Variants in TCF12 observed in about 807,000 individuals in gnomAD.
TCF12 encodes the protein transcription factor 12.
Under a neutral mutation model 86.0 loss-of-function variants are expected in TCF12, and 45 were observed. That is an observed-to-expected ratio of 0.52 (90% CI 0.41 to 0.67). The LOEUF is 0.67. TCF12 is among the 30% of genes least tolerant of loss of function. The probability of loss-of-function intolerance (pLI) is 0.00; values close to 1 mark genes in which losing one functional copy is unlikely to be tolerated. For missense variants in TCF12, 881 were observed against 859.9 expected, an observed-to-expected ratio of 1.02 and a Z score of -0.31; for synonymous variants, 330 against 299.6, an observed-to-expected ratio of 1.10 and a Z score of -1.05.
At chr15:57,250,361 A>T (rs2060051474) in intron 13 of TCF12, among the ~76,000 whole-genome samples, 1 of 152,218 alleles carries the variant, frequency 6.6e-6, no homozygotes, top group Non-Finnish European at 1.5e-5. Flanking sequence ...AGTAATGTTT[A>T]CTATATCACT....
intron 5 of TCF12, among the ~76,000 whole-genome samples, chr15:57,115,544 A>G (rs763083916): frequency 1.2e-4 from 19 of 152,200 alleles, no homozygotes; most frequent in Non-Finnish European, 2.5e-4. Flanking sequence ...AAGTAGAAAA[A>G]AGCACAAGCC....
intron 3 of TCF12, among the ~76,000 whole-genome samples, chr15:56,953,107 A>G (rs1259680474): frequency 6.6e-6 from 1 of 152,160 alleles, no homozygotes; most frequent in Non-Finnish European, 1.5e-5. Flanking sequence ...TGAGATTGTC[A>G]CATAGGTTTT....
chr15:57,159,605 C>T (rs1248456024), intron 5 of TCF12, among the ~76,000 whole-genome samples: 2 of 152,186 alleles, frequency 1.3e-5, no homozygotes, highest in Non-Finnish European at 2.9e-5. Flanking sequence ...ATGACTTACA[C>T]ACTGAAATAT....
intron 3 of TCF12, among the ~76,000 whole-genome samples, chr15:57,001,613 C>T (rs1477722031): frequency 1.3e-5 from 2 of 152,140 alleles, no homozygotes; most frequent in African/African-American, 4.8e-5. Context: ...AGCAGAGCAC[C>T]TGTCTAGGGA....
At chr15:56,920,995 G>A (rs1286806509) in intron 2 of TCF12, 31 bp from the exon 3 acceptor site, 18 of 1,545,310 alleles carry the variant, frequency 1.2e-5, no homozygotes, top group Non-Finnish European at 1.6e-5. Context: ...AGAATTTCAG[G>A]ACTAACAGAT....
intron 12 of TCF12, among the ~76,000 whole-genome samples, chr15:57,236,043 T>A (rs192080825): frequency 2.6e-4 from 39 of 152,306 alleles, no homozygotes; most frequent in African/African-American, 8.9e-4. Flanking sequence ...TGGGCTTTGG[T>A]TGTCATGGAA....
At chr15:57,159,612 A>G (rs973310859) in intron 5 of TCF12, among the ~76,000 whole-genome samples, 2 of 152,232 alleles carry the variant, frequency 1.3e-5, no homozygotes, top group African/African-American at 4.8e-5. Context: ...ACACACTGAA[A>G]TATTTCATTT....
At chr15:57,149,533 C>T (rs1248680688) in intron 5 of TCF12, among the ~76,000 whole-genome samples, 1 of 152,102 alleles carries the variant, frequency 6.6e-6, no homozygotes, top group African/African-American at 2.4e-5. Flanking sequence ...TAGTGGAATT[C>T]AAAGTATTTT....
At chr15:57,174,032 C>T (rs549390307) in intron 6 of TCF12, among the ~76,000 whole-genome samples, 8 of 152,230 alleles carry the variant, frequency 5.3e-5, no homozygotes, top group Admixed American at 3.9e-4. Flanking sequence ...AAAGTTAATT[C>T]ATATCAAAAA....
intron 3 of TCF12, among the ~76,000 whole-genome samples, chr15:56,970,974 GGCCTGA>G (rs1161222870): frequency 6.6e-6 from 1 of 152,060 alleles, no homozygotes; most frequent in Non-Finnish European, 1.5e-5. Flanking sequence ...GGATTGCTTG[GGCCTGA>G]GAGGTTGAGG....
chr15:57,007,792 C>CTCTCTT (rs2064501023), intron 3 of TCF12, among the ~76,000 whole-genome samples: 16 of 52,590 alleles, frequency 3.0e-4, no homozygotes, highest in African/African-American at 6.8e-4. Context: ...CTTTCTTTCT[C>CTCTCTT]TCTTTCTTTC....
chr15:57,185,551 T>C (rs1388284155), intron 6 of TCF12, among the ~76,000 whole-genome samples: 5 of 151,886 alleles, frequency 3.3e-5, no homozygotes, highest in African/African-American at 1.2e-4. Context: ...ATAAACAAAA[T>C]AGAGACAAGA....
chr15:57,252,529 C>A, intron 15 of TCF12, 37 bp downstream of exon 15: 1 of 1,531,134 alleles, frequency 6.5e-7, no homozygotes, highest in South Asian at 1.1e-5. Flanking sequence ...TTTTGTGTTT[C>A]AATTAATTAT....
rs182632172 is a variant in TCF12 at position 57,063,764 on chromosome 15, G to C, written c.163G>C (p.Gly55Arg). ...QFSGSGIDERGGTTSWGTSGQ... is the reference protein window; with the variant it reads ...QFSGSGIDERRGTTSWGTSGQ... ...TCTCTTTTTAGGTATTGATGAAAGA[G>C]GAGGTACAACATCTTGGGGAACAAG... Residue 55 changes from glycine to arginine, a missense_variant, in exon 4 of 21, where the codon GGA becomes CGA. Gly to Arg is a moderately radical substitution (Grantham distance 125). Coordinates refer to ENST00000333725, the MANE Select transcript of TCF12 (RefSeq NM_207037.2). 6.2e-6 allele frequency: 10 copies of C among 1,603,806 alleles called. No homozygotes were observed. The African/African-American group carries it at 1.1e-4, about 17-fold the overall frequency.
rs546496922 is a variant in TCF12, at chr15:57,026,912, A to G, written c.149-36838A>G. On this transcript the variant is annotated intron_variant, in intron 3 of 20. Transcript: ENST00000333725. ...TTTAAATCATTTCTAGATTACATAT[A>G]ATACCTAATACCATGTAGATGCTAT... Among the ~76,000 whole-genome samples, 9 of 152,282 alleles carry G rather than the reference A, an allele frequency of 5.9e-5. No homozygotes were observed. In the East Asian group the frequency reaches 1.5e-3, roughly 26 times the overall value.
At chr15:57,024,216 C>CTTTTTTTTT (rs59793819) in intron 3 of TCF12, among the ~76,000 whole-genome samples, 14 of 111,294 alleles carry the variant, frequency 1.3e-4, no homozygotes, top group African/African-American at 4.4e-4. Context: ...AAAAAAGTGT[C>CTTTTTTTTT]TTTTTTTTTT....
chr15:57,001,515 A>T (rs1399341571), intron 3 of TCF12: 1 of 162,188 alleles, frequency 6.2e-6, no homozygotes, highest in African/African-American at 2.4e-5. Context: ...TCTTTCATAG[A>T]TTTAAAAAAT....
chr15:57,114,174 G>A (rs535312083), intron 5 of TCF12, among the ~76,000 whole-genome samples: 1 of 152,266 alleles, frequency 6.6e-6, no homozygotes, highest in Non-Finnish European at 1.5e-5. Flanking sequence ...TGAAATAGGA[G>A]CATATTACAT....
chr15:57,152,679 G>A (rs6493902), intron 5 of TCF12, among the ~76,000 whole-genome samples: 130,301 of 152,132 alleles, frequency 0.86, 58,206 homozygotes, highest in Non-Finnish European at 0.98. Context: ...AATGAAAAAA[G>A]ATCAGAGCTG....
Sources: gnomAD v4.1 joint callset for allele counts (sites outside exome capture counted in the v4.1 genomes callset) on GRCh38, gnomAD v4.1.1 for gene constraint, MANE v1.5 for transcripts, NCBI Gene and HGNC (gene_info 2026-07-23, HGNC 2026-07-21) for gene names.